Variants in BCAS3 observed in about 807,000 individuals in gnomAD.
BCAS3 encodes BCAS3 microtubule associated cell migration factor, also known as BCAS4/BCAS3 fusion.
In BCAS3, 53 loss-of-function variants were observed where a neutral mutation model predicts 116.1. The observed-to-expected ratio is 0.46, with a 90% CI of 0.37 to 0.57. BCAS3 has a LOEUF of 0.57. Among genes scored for constraint, BCAS3 ranks in the 20% least tolerant of loss-of-function variants. The pLI, the probability that BCAS3 is intolerant of heterozygous loss-of-function variation, is 0.00. For synonymous variants in BCAS3, 391 were observed against 408.2 expected (o/e 0.96, Z 0.51); for missense variants, 917 against 1,165.4 (o/e 0.79, Z 3.10).
chr17:60,725,430 C>A (rs947754278), intron 5 of BCAS3, among the ~76,000 whole-genome samples: 1 of 152,110 alleles, frequency 6.6e-6, no homozygotes, highest in Non-Finnish European at 1.5e-5. Context: ...TTCAGCCACA[C>A]TGAAATGTTC....
At position 61,266,992 on chromosome 17, in the gene BCAS3, A is replaced by G. The variant is rs75559935; in HGVS notation, c.2426-101335A>G. On this transcript the variant is annotated intron_variant, in intron 22 of 23. Transcript: ENST00000407086. ...ACTTTCTTTATAGCACCAGAATTCC[A>G]AAGTGAGATTCTTTGCTTCTTGTCC... is the stretch of plus-strand genomic sequence containing the variant. Among the ~76,000 whole-genome samples, 636 of 152,368 alleles carry G rather than the reference A, an allele frequency of 4.2e-3. 2 individuals carry two copies. The highest frequency in any genetic ancestry group is 7.4e-3 in the Non-Finnish European group (505 of 68,044).
chr17:61,385,430 A>G (rs1304087546), intron 23 of BCAS3, among the ~76,000 whole-genome samples: 1 of 152,166 alleles, frequency 6.6e-6, no homozygotes, highest in East Asian at 1.9e-4. Flanking sequence ...CAGACCCCAT[A>G]TGGTTCATTT....
At chr17:61,060,751 A>G (rs2069933006) in intron 19 of BCAS3, among the ~76,000 whole-genome samples, 1 of 152,232 alleles carries the variant, frequency 6.6e-6, no homozygotes, top group South Asian at 2.1e-4. Flanking sequence ...ACAATTTACA[A>G]CATTCTACCA....
chr17:61,146,068 G>A (rs1297448513), intron 22 of BCAS3, among the ~76,000 whole-genome samples: 1 of 150,810 alleles, frequency 6.6e-6, no homozygotes, highest in Non-Finnish European at 1.5e-5. Flanking sequence ...TCTACCCCCC[G>A]ATAGCTGACA....
chr17:61,012,913 C>T lies in BCAS3; in HGVS notation c.1487-2838C>T, dbSNP rs1284579715. On this transcript the variant is annotated intron_variant, in intron 15 of 23. Transcript: ENST00000407086. The surrounding 1 kb of genome is among the most constrained non-coding windows in gnomAD (Gnocchi z 4.5). ...ACTGTTCCCTCGCTGAAGAACTTAA[C>T]CTAAGTTCCTACTCCTCTGGCTCAA... 6.6e-6 allele frequency among the ~76,000 whole-genome samples: 1 copy of T among 152,024 alleles called. No homozygotes were observed. The highest frequency in any genetic ancestry group is 1.5e-5 in the Non-Finnish European group (1 of 67,958).
In BCAS3 at chr17:60,960,400, T is replaced by C. The variant is rs2061356753; in HGVS notation, c.1221+13048T>C. Among the ~76,000 whole-genome samples the C allele has an allele frequency of 6.6e-6, 1 of 152,190 alleles. No homozygotes were observed. Among genetic ancestry groups the C allele is most frequent in the Non-Finnish European group, 1.5e-5 (1 of 68,028 alleles). ...GGACCTGTGAAACTACAATAAAAGT[T>C]ACCTCCTGCCAAAATACAGTAGTAG... On this transcript the variant is annotated intron_variant, in intron 14 of 23. Coordinates refer to ENST00000407086, the MANE Select transcript of BCAS3 (RefSeq NM_017679.5). The surrounding 1 kb of genome is among the most constrained non-coding windows in gnomAD (Gnocchi z 4.1).
chr17:61,358,123 A>C (rs1308655543), intron 22 of BCAS3, among the ~76,000 whole-genome samples: 2 of 152,132 alleles, frequency 1.3e-5, no homozygotes, highest in Non-Finnish European at 2.9e-5. Flanking sequence ...CATATAGAAA[A>C]ATATAAAGTA....
intron 22 of BCAS3, among the ~76,000 whole-genome samples, chr17:61,179,871 TCTC>T (rs1312514297): frequency 6.2e-5 from 6 of 97,352 alleles, no homozygotes; most frequent in South Asian, 5.5e-4. Context: ...TCTCTCTCTC[TCTC>T]TTTTTTTTTT....
At chr17:61,099,984 G>A (rs1280666102) in intron 22 of BCAS3, among the ~76,000 whole-genome samples, 1 of 152,210 alleles carries the variant, frequency 6.6e-6, no homozygotes, top group South Asian at 2.1e-4. Flanking sequence ...GCTCTAGACA[G>A]CTACAAGAAA....
chr17:61,194,516 A>G (rs1029231166), intron 22 of BCAS3, among the ~76,000 whole-genome samples: 1 of 152,160 alleles, frequency 6.6e-6, no homozygotes, highest in African/African-American at 2.4e-5. Context: ...AGGCGGGTGG[A>G]TCACCTGAGG....
At chr17:61,168,924 A>T (rs942755749) in intron 22 of BCAS3, among the ~76,000 whole-genome samples, 4 of 152,204 alleles carry the variant, frequency 2.6e-5, no homozygotes, top group Non-Finnish European at 4.4e-5. Flanking sequence ...TAGTTTCCTA[A>T]TGCCCACAAA....
At chr17:61,072,213 C>T (rs1307625319) in intron 19 of BCAS3, among the ~76,000 whole-genome samples, 1 of 151,972 alleles carries the variant, frequency 6.6e-6, no homozygotes, top group East Asian at 1.9e-4. Flanking sequence ...GATCTTTCTC[C>T]CTTCTCACTG....
intron 22 of BCAS3, among the ~76,000 whole-genome samples, chr17:61,146,589 G>A (rs937798183): frequency 9.2e-5 from 14 of 152,108 alleles, no homozygotes; most frequent in Non-Finnish European, 5.9e-5. Context: ...CTTTCAAAAT[G>A]GAACTAAAAT....
chr17:60,685,859 T>C (rs1394830119), intron 3 of BCAS3, among the ~76,000 whole-genome samples: 1 of 151,794 alleles, frequency 6.6e-6, no homozygotes, highest in African/African-American at 2.4e-5. Flanking sequence ...TAGGAGTAAC[T>C]TTTTGTTATA....
chr17:61,305,618 G>C (rs866314076), intron 22 of BCAS3, among the ~76,000 whole-genome samples: 8 of 152,208 alleles, frequency 5.3e-5, no homozygotes, highest in South Asian at 2.1e-4. Context: ...GGCTGTGGCT[G>C]GGTGCAGTGG....
chr17:60,816,920 G>C (rs534290114), intron 7 of BCAS3, among the ~76,000 whole-genome samples: 7 of 152,194 alleles, frequency 4.6e-5, no homozygotes, highest in Admixed American at 2.6e-4. Context: ...AGTTTCAGCA[G>C]CTGGGCTTTA....
intron 14 of BCAS3, among the ~76,000 whole-genome samples, chr17:60,974,061 CT>C (rs2062144103): frequency 6.6e-6 from 1 of 152,280 alleles, no homozygotes; most frequent in East Asian, 1.9e-4. Flanking sequence ...CAAATAACTG[CT>C]GAATCATAAT....
chr17:61,272,311 A>G (rs1386058988), intron 22 of BCAS3, among the ~76,000 whole-genome samples: 1 of 152,054 alleles, frequency 6.6e-6, no homozygotes, highest in African/African-American at 2.4e-5. Flanking sequence ...ATTTGGTGAT[A>G]TTTATGGTGT....
At chr17:60,871,188 T>C (rs2055065850) in intron 8 of BCAS3, among the ~76,000 whole-genome samples, 2 of 152,156 alleles carry the variant, frequency 1.3e-5, no homozygotes, top group Admixed American at 6.5e-5. Flanking sequence ...TTGGGAGGAC[T>C]GGATCTCACT....
Sources: allele counts gnomAD v4.1 joint callset (sites outside exome capture counted in the v4.1 genomes callset), GRCh38; gene constraint gnomAD v4.1.1; non-coding constraint Gnocchi (gnomAD v3.1); transcripts MANE v1.5; gene names NCBI Gene and HGNC (gene_info 2026-07-23, HGNC 2026-07-21).